Variants in ZKSCAN3 observed in about 807,000 individuals in gnomAD.
ZKSCAN3 encodes zinc finger protein with KRAB and SCAN domains 3.
A neutral mutation model predicts 30.7 loss-of-function variants in ZKSCAN3; 21 were observed. The ratio of observed to expected loss-of-function variants is 0.68; its 90% CI spans 0.49 to 0.99. The LOEUF is 0.99. Ranked by LOEUF, ZKSCAN3 falls within the 50% of genes least tolerant of loss-of-function variation. ZKSCAN3 has a pLI of 0.00. For missense variants in ZKSCAN3, 507 were observed against 647.1 expected, an observed-to-expected ratio of 0.78 and a Z score of 2.35; for synonymous variants, 201 against 246.7, an observed-to-expected ratio of 0.81 and a Z score of 1.73.
intron 1 of ZKSCAN3, 57 bp from the exon 2 acceptor site, chr6:28,359,468 A>C: frequency 7.9e-7 from 1 of 1,266,844 alleles, no homozygotes; most frequent in Non-Finnish European, 1.1e-6. Flanking sequence ...GCTCCTGGGC[A>C]GGAGAGAAGG....
intron 1 of ZKSCAN3, among the ~76,000 whole-genome samples, chr6:28,356,694 G>T (rs937343787): frequency 7.2e-5 from 11 of 152,036 alleles, no homozygotes; most frequent in Non-Finnish European, 7.3e-5. Flanking sequence ...AGTCACAAAT[G>T]CCCATCTGAC....
At chr6:28,354,033 C>G in intron 1 of ZKSCAN3, 1 of 442,014 alleles carries the variant, frequency 2.3e-6, no homozygotes, top group Non-Finnish European at 4.6e-6. Context: ...CGGCTGCCTC[C>G]TCCGACCGCA....
At position 28,365,458 on chromosome 6, in the gene ZKSCAN3, C is replaced by T. The variant is rs762030177; in HGVS notation, c.790C>T (p.Pro264Ser). ...DEKQTKSRDL[P>S]PAEELPEKEH... ...AAAACAGACTAAGAGCAGGGACTTGCCTCCAGCTGAGGAGCTTCCAGAAAA... is the reference window on the plus strand; with the variant it reads ...AAAACAGACTAAGAGCAGGGACTTGTCTCCAGCTGAGGAGCTTCCAGAAAA... The change falls in exon 6 of 6, where the codon CCT becomes TCT. Residue 264 changes from proline to serine, a missense_variant. Transcript: ENST00000252211. The T allele has an allele frequency of 1.5e-5, 25 of 1,613,270 alleles. No homozygotes were observed. The East Asian group carries it at 5.1e-4, about 33-fold the overall frequency.
At chr6:28,363,103 A>G (rs577311607) in intron 3 of ZKSCAN3, among the ~76,000 whole-genome samples, 200 bp from the exon 4 acceptor site, 1 of 152,206 alleles carries the variant, frequency 6.6e-6, no homozygotes, top group African/African-American at 2.4e-5. Flanking sequence ...GCAGGAATTT[A>G]TTTATTTAGA....
At position 28,365,543 on chromosome 6, in the gene ZKSCAN3, C is replaced by T. The variant is rs1163872536; in HGVS notation, c.875C>T (p.Ala292Val). The change falls in exon 6 of 6, where the codon GCA (alanine) becomes GTA (valine). Residue 292 changes from alanine (A) to valine (V), a missense_variant. Physicochemically the swap from Ala to Val is moderately conservative, Grantham distance 64. Coordinates refer to ENST00000252211, the MANE Select transcript of ZKSCAN3 (RefSeq NM_024493.4). ...GACATTGCCCAGATTCCTACATGTG[C>T]AGAAGCTGGTGAACAGGAGGGCAGG... ...REDIAQIPTC[A>V]EAGEQEGRLQ... 1 of 1,614,244 alleles carries T rather than the reference C, an allele frequency of 6.2e-7. No homozygotes were observed. The highest frequency in any genetic ancestry group is 1.1e-5 in the South Asian group (1 of 91,086).
intron 2 of ZKSCAN3, 66 bp downstream of exon 2, chr6:28,360,054 T>C (rs775911469): frequency 2.1e-5 from 34 of 1,613,058 alleles, no homozygotes; most frequent in Non-Finnish European, 2.7e-5. Context: ...CAGATCAGAG[T>C]GAGGGGCATT....
chr6:28,363,262 A>C (rs531966594), intron 3 of ZKSCAN3, 41 bp from the exon 4 acceptor site: 1 of 1,569,038 alleles, frequency 6.4e-7, no homozygotes, highest in East Asian at 2.2e-5. Flanking sequence ...GGGAGGCTGA[A>C]TGCCAGGGTA....
At chr6:28,357,938 T>G (rs78832012) in intron 1 of ZKSCAN3, among the ~76,000 whole-genome samples, 4 of 152,344 alleles carry the variant, frequency 2.6e-5, no homozygotes, top group Admixed American at 1.3e-4. Context: ...TCAGATATAA[T>G]TGAGGGTCTC....
Position 28,359,602 on chromosome 6 carries a change from A to G in ZKSCAN3, c.16A>G (p.Ser6Gly). 1 of 1,614,028 alleles carries G rather than the reference A, an allele frequency of 6.2e-7. No individual in the cohort carries two copies. Among genetic ancestry groups the G allele is most frequent in the Non-Finnish European group, 8.5e-7 (1 of 1,179,890 alleles). ...TTGGCCTAGGATGGCTAGAGAATTA[A>G]GTGAAAGCACAGCCCTGGATGCCCA... MARELSESTALDAQST... is the reference protein window; with the variant it reads MARELGESTALDAQST... The change falls in exon 2 of 6, where the codon AGT (serine) becomes GGT (glycine). Residue 6 changes from serine (S) to glycine (G), a missense_variant. Coordinates refer to ENST00000252211, the MANE Select transcript of ZKSCAN3 (RefSeq NM_024493.4).
chr6:28,362,750 G>A (rs1194296228), intron 3 of ZKSCAN3, among the ~76,000 whole-genome samples: 4 of 152,046 alleles, frequency 2.6e-5, no homozygotes, highest in Admixed American at 6.5e-5. Context: ...ATTTCCATAC[G>A]TTGTATAAAG....
intron 1 of ZKSCAN3, among the ~76,000 whole-genome samples, chr6:28,357,212 T>C (rs1319985519): frequency 6.6e-6 from 1 of 152,236 alleles, no homozygotes; most frequent in African/African-American, 2.4e-5. Flanking sequence ...TACCTCGGCC[T>C]ATGCCTGCTT....
At chr6:28,365,283 C>T (rs1765915291) in intron 5 of ZKSCAN3, 143 bp from the exon 6 acceptor site, 1 of 1,221,902 alleles carries the variant, frequency 8.2e-7, no homozygotes, top group African/African-American at 1.5e-5. Flanking sequence ...CCTGTTCTCC[C>T]CTTTTATTCC....
rs959784462 is a variant in ZKSCAN3 at position 28,367,882 on chromosome 6, G to C, written c.*1597G>C. ...CTATAGGCGTCCGCCTCCACGCCGG[G>C]CTATTTTTTTTTTTTATTTTATACT... is the stretch of plus-strand genomic sequence containing the variant. On this transcript the variant is annotated 3_prime_UTR_variant, in exon 6 of 6. Coordinates refer to ENST00000252211, the MANE Select transcript of ZKSCAN3 (RefSeq NM_024493.4). 1.7e-5 allele frequency: 1 copy of C among 57,450 alleles called. No homozygotes were observed. The highest frequency in any genetic ancestry group is 5.5e-5 in the African/African-American group (1 of 18,208). The allele number at this position is 57,450 out of a possible 1,614,324, so 3.6% of individuals were successfully genotyped here. A position where few individuals can be genotyped will look rare whatever the true frequency, so the allele number is the denominator to read the frequency against.
At chr6:28,360,216 C>T in intron 2 of ZKSCAN3, 1 of 743,442 alleles carries the variant, frequency 1.3e-6, no homozygotes, top group Non-Finnish European at 2.1e-6. Context: ...TATCAACATA[C>T]AGTTTGCAAA....
In ZKSCAN3 at chr6:28,351,865, T is replaced by C. The variant is rs1170656615; in HGVS notation, c.-63+1798T>C. 3.3e-5 allele frequency among the ~76,000 whole-genome samples: 5 copies of C among 152,244 alleles called. No homozygotes were observed. The highest frequency in any genetic ancestry group is 7.3e-5 in the Non-Finnish European group (5 of 68,052). ...AGTACTTCAGTGTCAATTTCTTATA[T>C]ACAGGGACTTTTATCTTAATATAAT... is the stretch of plus-strand genomic sequence containing the variant. On this transcript the variant is annotated intron_variant, in intron 1 of 5. Coordinates refer to ENST00000252211, the MANE Select transcript of ZKSCAN3 (RefSeq NM_024493.4). The surrounding 1 kb of genome is among the most constrained non-coding windows in gnomAD (Gnocchi z 4.6).
intron 3 of ZKSCAN3, among the ~76,000 whole-genome samples, chr6:28,362,400 A>G (rs1765801528): frequency 6.6e-6 from 1 of 152,220 alleles, no homozygotes; most frequent in East Asian, 1.9e-4. Context: ...TATTAAAACA[A>G]TATGAAATTC....
chr6:28,352,606 C>A (rs1765113137), intron 1 of ZKSCAN3, among the ~76,000 whole-genome samples: 1 of 152,182 alleles, frequency 6.6e-6, no homozygotes, highest in African/African-American at 2.4e-5. Flanking sequence ...CCCAGTGATT[C>A]TAATATGTAA....
chr6:28,362,714 A>G (rs1338484003), intron 3 of ZKSCAN3, among the ~76,000 whole-genome samples: 2 of 152,168 alleles, frequency 1.3e-5, no homozygotes, highest in Non-Finnish European at 2.9e-5. Flanking sequence ...AGGAAACCTG[A>G]AGCTCTTTAC....
intron 3 of ZKSCAN3, 23 bp from the exon 4 acceptor site, chr6:28,363,280 T>A (rs759671902): frequency 4.3e-6 from 7 of 1,609,556 alleles, no homozygotes; most frequent in African/African-American, 1.3e-5. Flanking sequence ...GTACATCTCA[T>A]CCAGAGCTTC....
Sources: allele counts gnomAD v4.1 joint callset (sites outside exome capture counted in the v4.1 genomes callset), GRCh38; gene constraint gnomAD v4.1.1; non-coding constraint Gnocchi (gnomAD v3.1); transcripts MANE v1.5; gene names NCBI Gene and HGNC (gene_info 2026-07-23, HGNC 2026-07-21).